Variants in PCDH9 observed in about 807,000 individuals in gnomAD.
PCDH9 encodes protocadherin-9.
PCDH9 carries 24 observed loss-of-function variants against 70.6 expected under a neutral mutation model. The observed-to-expected ratio is 0.34, with a 90% CI of 0.25 to 0.48. The LOEUF is 0.48. PCDH9 is among the 20% of genes least tolerant of loss of function. The pLI is 0.99. For synonymous variants in PCDH9, 562 were observed against 558.5 expected, an observed-to-expected ratio of 1.01 and a Z score of -0.09; for missense variants, 1,281 against 1,503.6, an observed-to-expected ratio of 0.85 and a Z score of 2.45.
intron 3 of PCDH9, among the ~76,000 whole-genome samples, chr13:66,671,743 A>G (rs751360999): frequency 2.0e-5 from 3 of 152,220 alleles, no homozygotes; most frequent in Non-Finnish European, 4.4e-5. Flanking sequence ...TCAAGATGTG[A>G]CTTGGGTGCT....
intron 2 of PCDH9, among the ~76,000 whole-genome samples, chr13:67,065,988 T>C (rs1390729706): frequency 6.6e-6 from 1 of 152,158 alleles, no homozygotes; most frequent in Non-Finnish European, 1.5e-5. Flanking sequence ...AAGTAAAAGC[T>C]GACTCAAATT....
At chr13:66,873,935 T>C (rs898565348) in intron 3 of PCDH9, among the ~76,000 whole-genome samples, 9 of 124,644 alleles carry the variant, frequency 7.2e-5, no homozygotes, top group Non-Finnish European at 1.4e-4. Context: ...TTTTTTTCTT[T>C]CTTTCTTTTT....
chr13:66,328,311 G>A (rs1955880887), intron 4 of PCDH9, among the ~76,000 whole-genome samples: 2 of 152,014 alleles, frequency 1.3e-5, no homozygotes, highest in African/African-American at 4.8e-5. Flanking sequence ...GCTCAGCTCC[G>A]ATTCAGTAGG....
At chr13:66,920,978 C>T (rs1186666171) in intron 2 of PCDH9, among the ~76,000 whole-genome samples, 1 of 151,222 alleles carries the variant, frequency 6.6e-6, no homozygotes, top group Non-Finnish European at 1.5e-5. Flanking sequence ...TTACATAAAA[C>T]TATCTTAGAG....
intron 3 of PCDH9, among the ~76,000 whole-genome samples, chr13:66,821,866 A>G (rs984982942): frequency 6.6e-6 from 1 of 152,180 alleles, no homozygotes; most frequent in Non-Finnish European, 1.5e-5. Context: ...CAGTTCTTTT[A>G]TCCTGCACAT....
intron 4 of PCDH9, among the ~76,000 whole-genome samples, chr13:66,626,761 A>T (rs369455159): frequency 3.3e-5 from 5 of 152,344 alleles, no homozygotes; most frequent in African/African-American, 1.2e-4. Context: ...TATTTACACA[A>T]AACCTATCAA....
intron 3 of PCDH9, among the ~76,000 whole-genome samples, chr13:66,651,701 C>T (rs1408957085): frequency 6.6e-6 from 1 of 151,956 alleles, no homozygotes; most frequent in African/African-American, 2.4e-5. Context: ...CTGACAAAAA[C>T]ACATTAAAAA....
At chr13:66,796,907 T>C (rs529190445) in intron 3 of PCDH9, among the ~76,000 whole-genome samples, 1 of 152,190 alleles carries the variant, frequency 6.6e-6, no homozygotes, top group East Asian at 1.9e-4. Flanking sequence ...AATTTTGATT[T>C]CTGTGGCAGA....
At chr13:66,623,558 C>T (rs749880041) in intron 4 of PCDH9, among the ~76,000 whole-genome samples, 9 of 152,198 alleles carry the variant, frequency 5.9e-5, no homozygotes, top group Non-Finnish European at 1.2e-4. Context: ...CCCACCTCAG[C>T]CTCCTTAGTA....
intron 3 of PCDH9, among the ~76,000 whole-genome samples, chr13:66,775,930 T>C (rs7320166): frequency 0.37 from 56,301 of 151,496 alleles, 10,676 homozygotes; most frequent in East Asian, 0.57. Context: ...TCCCCTATGT[T>C]ACAAGGGTGC....
At chr13:66,570,664 G>A (rs563438867) in intron 4 of PCDH9, among the ~76,000 whole-genome samples, 3 of 152,092 alleles carry the variant, frequency 2.0e-5, no homozygotes, top group African/African-American at 7.2e-5. Flanking sequence ...ACAAACTAAG[G>A]AAAACAGATT....
At chr13:66,761,455 C>A (rs376144124) in intron 3 of PCDH9, among the ~76,000 whole-genome samples, 1 of 152,024 alleles carries the variant, frequency 6.6e-6, no homozygotes, top group Non-Finnish European at 1.5e-5. Flanking sequence ...TATCTTCCTC[C>A]GCCCACTCTT....
chr13:67,141,183 G>A (rs570281926), intron 2 of PCDH9, among the ~76,000 whole-genome samples: 10 of 152,210 alleles, frequency 6.6e-5, no homozygotes, highest in East Asian at 1.9e-4. Context: ...AAAATAAAAC[G>A]AGAGAAGAGC....
At chr13:66,771,232 A>C (rs915130582) in intron 3 of PCDH9, among the ~76,000 whole-genome samples, 32 of 152,160 alleles carry the variant, frequency 2.1e-4, no homozygotes, top group Admixed American at 1.9e-3. Context: ...ATAGGTGTGC[A>C]CCATTGCACT....
intron 3 of PCDH9, among the ~76,000 whole-genome samples, chr13:66,767,191 C>T (rs2079731092): frequency 1.3e-5 from 2 of 151,962 alleles, no homozygotes; most frequent in African/African-American, 4.8e-5. Context: ...CTGAAACACA[C>T]AATGACAGTG....
intron 4 of PCDH9, among the ~76,000 whole-genome samples, chr13:66,527,880 T>C (rs1275840097): frequency 3.3e-5 from 5 of 151,998 alleles, no homozygotes; most frequent in Admixed American, 3.3e-4. Flanking sequence ...TAGTGGAGCA[T>C]GGTTGTACAT....
Position 66,478,211 on chromosome 13 carries a change from T to C in PCDH9, c.3340+152999A>G, listed in dbSNP as rs183554753. ...CACAAGCCATGCCCATATTAGACAG[T>C]GAACTTAATAAATGTTGTGTGGGTT... On this transcript the variant is annotated intron_variant, in intron 4 of 4. Coordinates refer to ENST00000377865, the MANE Select transcript of PCDH9 (RefSeq NM_203487.3). 3.0e-4 allele frequency among the ~76,000 whole-genome samples: 45 copies of C among 152,338 alleles called. No individual in the cohort carries two copies. The East Asian group carries it at 6.0e-3, about 20-fold the overall frequency.
chr13:66,712,954 T>A (rs1324943481), intron 3 of PCDH9, among the ~76,000 whole-genome samples: 1 of 152,186 alleles, frequency 6.6e-6, no homozygotes, highest in African/African-American at 2.4e-5. Context: ...TATTTTTAGA[T>A]CATCCAACAA....
intron 2 of PCDH9, among the ~76,000 whole-genome samples, chr13:67,159,868 G>C (rs531725697): frequency 6.6e-6 from 1 of 152,136 alleles, no homozygotes. Context: ...AGCCAAATAC[G>C]TAGTTTTATA....
Sources: gnomAD v4.1 joint callset for allele counts (sites outside exome capture counted in the v4.1 genomes callset) on GRCh38, gnomAD v4.1.1 for gene constraint, MANE v1.5 for transcripts, NCBI Gene and HGNC (gene_info 2026-07-23, HGNC 2026-07-21) for gene names.